The following FHIT variants were observed in gnomAD, a reference collection of about 807,000 sequenced individuals.
FHIT encodes the protein fragile histidine triad diadenosine triphosphatase.
In FHIT, 19 loss-of-function variants were observed where a neutral mutation model predicts 17.9. The ratio of observed to expected loss-of-function variants is 1.06; its 90% CI spans 0.74 to 1.56. The LOEUF is 1.56. Ranked by LOEUF, FHIT falls within the 40% of genes most tolerant of loss-of-function variation. The pLI is 0.00. For missense variants in FHIT, 248 were observed against 189.2 expected, an observed-to-expected ratio of 1.31 and a Z score of -1.82; for synonymous variants, 81 against 69.7, an observed-to-expected ratio of 1.16 and a Z score of -0.81.
intron 3 of FHIT, among the ~76,000 whole-genome samples, chr3:60,896,477 A>G (rs1452221294): frequency 2.0e-5 from 3 of 152,190 alleles, no homozygotes; most frequent in Admixed American, 6.5e-5. Flanking sequence ...CCCTCCTTCC[A>G]CAGTGATAAG....
intron 7 of FHIT, among the ~76,000 whole-genome samples, chr3:59,995,661 C>CA (rs1174985824): frequency 6.6e-6 from 1 of 152,018 alleles, no homozygotes; most frequent in African/African-American, 2.4e-5. Flanking sequence ...TCTTAGGCAC[C>CA]ATGCTTTGGA....
At chr3:60,660,589 T>C (rs2040217243) in intron 4 of FHIT, among the ~76,000 whole-genome samples, 1 of 152,108 alleles carries the variant, frequency 6.6e-6, no homozygotes, top group Non-Finnish European at 1.5e-5. Flanking sequence ...TGGTGCTTTC[T>C]ACTTTTTGAT....
rs77301036 is a variant in FHIT at position 61,110,165 on chromosome 3, C to T, written c.-163-68066G>A. Among the ~76,000 whole-genome samples the T allele has an allele frequency of 7.4e-3, 1,122 of 152,274 alleles. 26 individuals are homozygous for T. The highest frequency in any genetic ancestry group is 0.06 in the East Asian group (310 of 5,170). ...GAGTAAAGTCCCACAAGGTCCCTCA[C>T]GCTCTTGTTCCCAACTGTCTCTCAG... On this transcript the variant is annotated intron_variant, in intron 2 of 9. Transcript: ENST00000492590.
intron 7 of FHIT, among the ~76,000 whole-genome samples, chr3:60,003,705 A>G (rs748967711): frequency 1.3e-5 from 2 of 152,160 alleles, no homozygotes; most frequent in African/African-American, 4.8e-5. Flanking sequence ...AGATCACACC[A>G]CTGCACTTCA....
At chr3:60,522,135 G>A (rs2035395390) in intron 5 of FHIT, among the ~76,000 whole-genome samples, 1 of 142,466 alleles carries the variant, frequency 7.0e-6, no homozygotes, top group African/African-American at 2.6e-5. Context: ...CTGACACAGA[G>A]TCTTGCTCTG....
intron 5 of FHIT, among the ~76,000 whole-genome samples, chr3:60,198,218 T>C (rs1011834892): frequency 1.3e-5 from 2 of 152,164 alleles, no homozygotes; most frequent in Admixed American, 1.3e-4. Flanking sequence ...ATACATCTTA[T>C]CTTAGGTATG....
At chr3:60,858,629 G>A (rs1553750580) in intron 3 of FHIT, among the ~76,000 whole-genome samples, 3 of 152,114 alleles carry the variant, frequency 2.0e-5, no homozygotes, top group South Asian at 2.1e-4. Context: ...CCCTTAAAAG[G>A]AAGTTTTGGT....
At chr3:61,157,028 C>A (rs1027813917) in intron 2 of FHIT, among the ~76,000 whole-genome samples, 4 of 152,160 alleles carry the variant, frequency 2.6e-5, no homozygotes, top group African/African-American at 9.7e-5. Flanking sequence ...GGATATGATT[C>A]TTCACCTGAA....
chr3:60,287,208 AC>A (rs1266489478), intron 5 of FHIT, among the ~76,000 whole-genome samples: 1 of 152,128 alleles, frequency 6.6e-6, no homozygotes, highest in Non-Finnish European at 1.5e-5. Context: ...TTGCTCTGTC[AC>A]CCAGGCTGGA....
At chr3:61,072,750 G>A (rs552438359) in intron 2 of FHIT, among the ~76,000 whole-genome samples, 4 of 151,990 alleles carry the variant, frequency 2.6e-5, no homozygotes, top group African/African-American at 4.8e-5. Flanking sequence ...TGAAAGGATC[G>A]TAAGTGATAC....
chr3:60,073,647 A>C (rs762005659), intron 5 of FHIT, among the ~76,000 whole-genome samples: 36 of 151,952 alleles, frequency 2.4e-4, no homozygotes, highest in Admixed American at 2.4e-3. Flanking sequence ...TCTTCTACCA[A>C]ATCTATTTTC....
At chr3:61,203,327 C>T (rs1428163118) in intron 1 of FHIT, among the ~76,000 whole-genome samples, 2 of 147,540 alleles carry the variant, frequency 1.4e-5, no homozygotes, top group African/African-American at 5.0e-5. Flanking sequence ...CCAGCCTGGG[C>T]AACAAGAGAG....
At chr3:60,800,292 C>G (rs1226187715) in intron 4 of FHIT, among the ~76,000 whole-genome samples, 1 of 152,214 alleles carries the variant, frequency 6.6e-6, no homozygotes, top group African/African-American at 2.4e-5. Context: ...TTATCTGAAT[C>G]ATTCACTTTA....
intron 7 of FHIT, among the ~76,000 whole-genome samples, chr3:60,007,793 TC>T (rs1279781055): frequency 2.6e-5 from 4 of 152,164 alleles, no homozygotes; most frequent in African/African-American, 9.7e-5. Flanking sequence ...GCCTGTGTGT[TC>T]AGATTCTTCT....
At chr3:60,097,377 C>A (rs1016679209) in intron 5 of FHIT, among the ~76,000 whole-genome samples, 4 of 152,118 alleles carry the variant, frequency 2.6e-5, no homozygotes, top group African/African-American at 9.7e-5. Context: ...ACAAAGAGGA[C>A]ACACTGCCCC....
At chr3:60,951,917 G>C (rs1553777300) in intron 3 of FHIT, among the ~76,000 whole-genome samples, 1 of 152,188 alleles carries the variant, frequency 6.6e-6, no homozygotes, top group Non-Finnish European at 1.5e-5. Context: ...TGGAGTCCCA[G>C]CACTTTGGGA....
At chr3:60,519,008 C>A (rs2035262245) in intron 5 of FHIT, among the ~76,000 whole-genome samples, 1 of 152,108 alleles carries the variant, frequency 6.6e-6, no homozygotes, top group African/African-American at 2.4e-5. Flanking sequence ...GTCTAAAAAA[C>A]AATTATTTTT....
intron 4 of FHIT, among the ~76,000 whole-genome samples, chr3:60,543,889 C>T (rs186035325): frequency 9.6e-4 from 141 of 146,686 alleles, no homozygotes; most frequent in African/African-American, 3.1e-3. Flanking sequence ...GGACTACAAG[C>T]GCCCGCACCA....
At chr3:60,912,125 C>T (rs1706778178) in intron 3 of FHIT, among the ~76,000 whole-genome samples, 1 of 152,062 alleles carries the variant, frequency 6.6e-6, no homozygotes, top group South Asian at 2.1e-4. Context: ...CTCAATTATA[C>T]TGCATGGAGG....
Sources: allele counts gnomAD v4.1 joint callset (sites outside exome capture counted in the v4.1 genomes callset), GRCh38; gene constraint gnomAD v4.1.1; transcripts MANE v1.5; gene names NCBI Gene and HGNC (gene_info 2026-07-23, HGNC 2026-07-21).